FAAP20: variants seen among roughly 807,000 people sequenced by gnomAD.
The protein encoded by FAAP20 is Fanconi anemia core complex-associated protein 20.
Under a neutral mutation model 16.2 loss-of-function variants are expected in FAAP20, and 12 were observed. That is an observed-to-expected ratio of 0.74 (90% confidence interval 0.48 to 1.20). The LOEUF is 1.20. FAAP20 is among the 50% of genes most tolerant of loss of function. The pLI, the probability that FAAP20 is intolerant of heterozygous loss-of-function variation, is 0.00. For missense variants in FAAP20, 288 were observed against 245.8 expected (o/e 1.17, Z -1.15); for synonymous variants, 141 against 110.7 (o/e 1.27, Z -1.72).
At chr1:2,196,540 C>CAAA, upstream of FAAP20, among the ~76,000 whole-genome samples, 1 of 128,126 alleles carries the variant, frequency 7.8e-6, no homozygotes, top group African/African-American at 2.8e-5. This position sits in a 1 kb window ranked among gnomAD's most constrained non-coding sequence, Gnocchi z 4.5. Flanking sequence ...GACCCCAACT[C>CAAA]AAAAAAAAAA....
chr1:2,200,571 T>C (rs1689010272), upstream of FAAP20: 1 of 950,140 alleles, frequency 1.1e-6, no homozygotes, highest in Non-Finnish European at 1.3e-6. Flanking sequence ...ACCACTGATT[T>C]TGGACACCAG....
Position 2,193,705 on chromosome 1 carries a change from T to C in FAAP20, c.404A>G (p.Gln135Arg), listed in dbSNP as rs373336716. The change falls in exon 3 of 4, where the codon CAG becomes CGG. Residue 135 changes from glutamine (Q) to arginine (R), a missense_variant. Physicochemically the swap from Gln to Arg is conservative, Grantham distance 43. Coordinates refer to ENST00000378546, the MANE Select transcript of FAAP20 (RefSeq NM_182533.4). Reference sequence around the variant, plus strand: ...GGCCGCGGCACCCTCCACAGACGGCTGCTGCTCCACCCTGGGGGCCCTGCA... The same window carrying C: ...GGCCGCGGCACCCTCCACAGACGGCCGCTGCTCCACCCTGGGGGCCCTGCA... ...DPCRAPRVEQ[Q>R]PSVEGAAALR... 1.9e-5 allele frequency: 30 copies of C among 1,594,114 alleles called. No individual in the cohort carries two copies. Among genetic ancestry groups the C allele is most frequent in the Non-Finnish European group, 2.3e-5 (27 of 1,173,784 alleles).
chr1:2,199,457 T>C, upstream of FAAP20: 1 of 999,394 alleles, frequency 1.0e-6, no homozygotes, highest in Non-Finnish European at 1.2e-6. The surrounding 1 kb of genome is among the most constrained non-coding windows in gnomAD (Gnocchi z 4.5). Flanking sequence ...GCTGGGAAAT[T>C]GTGAGCTCAG....
At chr1:2,209,613 G>A (rs572048406), downstream of FAAP20, among the ~76,000 whole-genome samples, 5 of 152,380 alleles carry the variant, frequency 3.3e-5, no homozygotes, top group South Asian at 1.0e-3. Context: ...GGGGCCTCCC[G>A]TGGGGCTCAG....
rs530977649 is a variant in FAAP20, at chr1:2,205,378, A to G, written n.451+927T>C. Among the ~76,000 whole-genome samples, 16 of 138,058 alleles carry G rather than the reference A, an allele frequency of 1.2e-4. No homozygotes were observed. In the East Asian group the frequency reaches 3.3e-3, roughly 29 times the overall value. 90.6% of individuals were successfully genotyped at this position (138,058 alleles called of 152,430 possible). A position where few individuals can be genotyped will look rare whatever the true frequency, so the allele number is the denominator to read the frequency against. On this transcript the variant is annotated intron_variant and non_coding_transcript_variant, in intron 3 of 7. Coordinates refer to the FAAP20 transcript ENST00000469733. ...CGCCCCAGCTGTGTCCTCGGCGCCC[A>G]GCCTGGGGCAGCCGTCCCCGTGAGC...
At chr1:2,185,747 A>G (rs1687497783), downstream of FAAP20, among the ~76,000 whole-genome samples, 2 of 152,218 alleles carry the variant, frequency 1.3e-5, no homozygotes, top group African/African-American at 4.8e-5. Context: ...ACTGAACACT[A>G]AATCTGCACA....
downstream of FAAP20, among the ~76,000 whole-genome samples, chr1:2,208,204 G>T (rs1223647811): frequency 6.6e-6 from 1 of 152,014 alleles, no homozygotes; most frequent in African/African-American, 2.4e-5. Context: ...TAGGGCCTGG[G>T]CTTCTTGGGA....
chr1:2,189,023 A>AAC (rs1553182619), downstream of FAAP20, among the ~76,000 whole-genome samples: 200 of 140,532 alleles, frequency 1.4e-3, no homozygotes, highest in African/African-American at 5.5e-3. Flanking sequence ...AAAAAAAAAA[A>AAC]AAAAACAAAA....
downstream of FAAP20, among the ~76,000 whole-genome samples, chr1:2,186,567 C>G (rs1687629929): frequency 1.4e-5 from 2 of 146,484 alleles, no homozygotes; most frequent in Admixed American, 1.5e-4. Context: ...CCAACCTTAG[C>G]TGTTGAGACT....
At position 2,193,928 on chromosome 1, in the gene FAAP20, T is replaced by C; in HGVS notation, c.199-18A>G. On this transcript the variant is annotated intron_variant, in intron 2 of 3. Transcript: ENST00000378546. ...CTGGGCTCCTGCAACACAGAGTTGT[T>C]GGGCCTTGCCCAGCGATGGCTCCCG... 1 of 1,612,352 alleles carries C rather than the reference T, an allele frequency of 6.2e-7. No individual in the cohort carries two copies. Among genetic ancestry groups the C allele is most frequent in the Non-Finnish European group, 8.5e-7 (1 of 1,179,768 alleles).
downstream of FAAP20, among the ~76,000 whole-genome samples, chr1:2,187,668 AGGT>A (rs1315205531): frequency 1.3e-5 from 2 of 152,314 alleles, no homozygotes; most frequent in Admixed American, 6.5e-5. Context: ...AATGAGCAGA[AGGT>A]GCAGCCAAGT....
upstream of FAAP20, chr1:2,199,212 G>T: frequency 8.6e-7 from 1 of 1,165,944 alleles, no homozygotes; most frequent in Non-Finnish European, 1.1e-6. The surrounding 1 kb of genome is among the most constrained non-coding windows in gnomAD (Gnocchi z 4.5). Flanking sequence ...GACAGGGCCA[G>T]CCGCCCTCTC....
chr1:2,192,511 C>G (rs1267905036), intron 3 of FAAP20: 1 of 997,686 alleles, frequency 1.0e-6, no homozygotes, highest in East Asian at 1.0e-4. Flanking sequence ...GCAGGCGATG[C>G]AAAGACAAAA....
At chr1:2,188,597 T>C (rs1280039609), downstream of FAAP20, among the ~76,000 whole-genome samples, 2 of 152,190 alleles carry the variant, frequency 1.3e-5, no homozygotes, top group African/African-American at 4.8e-5. Flanking sequence ...AGTTCTTGCC[T>C]TGTGGTGAGG....
chr1:2,208,163 C>A (rs976315266), downstream of FAAP20, among the ~76,000 whole-genome samples: 1 of 152,008 alleles, frequency 6.6e-6, no homozygotes, highest in Non-Finnish European at 1.5e-5. Context: ...CCTCAGAGCT[C>A]CCACCCCTGG....
chr1:2,201,231 T>C (rs1479576303), upstream of FAAP20: 8 of 1,200,872 alleles, frequency 6.7e-6, no homozygotes, highest in Non-Finnish European at 8.5e-6. Context: ...TGCCCCTGTG[T>C]TGGAAAATAA....
downstream of FAAP20, among the ~76,000 whole-genome samples, chr1:2,186,505 C>G (rs535187750): frequency 3.3e-5 from 5 of 149,810 alleles, no homozygotes; most frequent in Non-Finnish European, 7.4e-5. Context: ...CGCCCCCCCC[C>G]GGCCAGCTCA....
At chr1:2,187,109 G>A, downstream of FAAP20, 8 of 461,420 alleles carry the variant, frequency 1.7e-5, no homozygotes, top group South Asian at 1.1e-4. Flanking sequence ...GTGGTGCGGG[G>A]CAACTGCCCA....
chr1:2,205,801 C>A (rs1339595844), intron 3 of FAAP20, among the ~76,000 whole-genome samples: 2 of 152,260 alleles, frequency 1.3e-5, no homozygotes, highest in African/African-American at 4.8e-5. Context: ...GTCCCTCCGC[C>A]ACTGTGCCCA....
Sources: allele counts gnomAD v4.1 joint callset (sites outside exome capture counted in the v4.1 genomes callset), GRCh38; gene constraint gnomAD v4.1.1; non-coding constraint Gnocchi (gnomAD v3.1); transcripts MANE v1.5; gene names NCBI Gene and HGNC (gene_info 2026-07-23, HGNC 2026-07-21).